Variants in DNAH2 observed in about 807,000 individuals in gnomAD.
DNAH2 encodes the protein axonemal beta dynein heavy chain 2.
A neutral mutation model predicts 523.5 loss-of-function variants in DNAH2; 323 were observed. The observed-to-expected ratio is 0.62, with a 90% CI of 0.56 to 0.68. DNAH2 has a LOEUF of 0.68. Ranked by LOEUF, DNAH2 falls within the 30% of genes least tolerant of loss-of-function variation. The pLI is 0.00. For synonymous variants in DNAH2, 2,093 were observed against 2,177.4 expected, an observed-to-expected ratio of 0.96 and a Z score of 1.08; for missense variants, 4,907 against 5,701.5, an observed-to-expected ratio of 0.86 and a Z score of 4.49.
intron 3 of DNAH2, among the ~76,000 whole-genome samples, chr17:7,724,621 AAC>A (rs777369013): frequency 2.6e-5 from 4 of 152,156 alleles, no homozygotes; most frequent in Non-Finnish European, 5.9e-5. Flanking sequence ...TCTGTCTCAA[AAC>A]AAACGAACAA....
At position 7,774,826 on chromosome 17, in the gene DNAH2, T is replaced by G. The variant is rs142034339; in HGVS notation, c.4569T>G (p.Tyr1523Ter). 19 of 1,614,076 alleles carry G rather than the reference T, an allele frequency of 1.2e-5. No individual in the cohort carries two copies. In the African/African-American group the frequency reaches 2.0e-4, roughly 17 times the overall value. Residue 1523 changes from tyrosine to a stop codon, truncating the protein, a stop_gained, in exon 29 of 86, where the codon TAT (tyrosine) becomes TAG (stop). Coordinates refer to ENST00000572933, the MANE Select transcript of DNAH2 (RefSeq NM_020877.5). LOFTEE classifies it high-confidence loss of function. ...ATATTCAGAAATCTCTGGATATGTATTTAGAGACCAAGCGACATATTTTCC... is the reference window on the plus strand; with the variant it reads ...ATATTCAGAAATCTCTGGATATGTAGTTAGAGACCAAGCGACATATTTTCC... Reference protein sequence around the residue: ...LEDIQKSLDMYLETKRHIFPR... With the variant: ...LEDIQKSLDM
intron 72 of DNAH2, 139 bp downstream of exon 72, chr17:7,819,547 C>T (rs1165581269): frequency 5.9e-6 from 5 of 842,590 alleles, no homozygotes; most frequent in Non-Finnish European, 9.5e-6. Flanking sequence ...GGTAGCTCCT[C>T]ACTCTCATGG....
chr17:7,752,094 G>A lies in DNAH2; in HGVS notation c.1905-4997G>A, dbSNP rs192867925. On this transcript the variant is annotated intron_variant, in intron 12 of 85. Transcript: ENST00000572933. ...GCTGAAACTACAGGTGTGAACCACC[G>A]GGCCTGGCCAACAGTGTTTTTTCTT... 3.9e-4 allele frequency among the ~76,000 whole-genome samples: 57 copies of A among 147,240 alleles called. 1 individual carries two copies. In the East Asian group the frequency reaches 0.01, roughly 26 times the overall value.
chr17:7,770,699 G>T (rs976488173), intron 26 of DNAH2, 54 bp from the exon 27 acceptor site: 3 of 1,613,730 alleles, frequency 1.9e-6, no homozygotes, highest in Admixed American at 1.7e-5. Context: ...TGCAGAGTGG[G>T]ACCAAGGTTG....
In DNAH2 at chr17:7,718,615, A is replaced by G. The variant is rs1433628980; in HGVS notation, c.-199A>G. The G allele has an allele frequency of 6.6e-6, 1 of 152,516 alleles. No homozygotes were observed. The highest frequency in any genetic ancestry group is 1.5e-5 in the Non-Finnish European group (1 of 68,050). The allele number at this position is 152,516 out of a possible 1,614,324, so 9.4% of individuals were successfully genotyped here. A position where few individuals can be genotyped will look rare whatever the true frequency, so the allele number is the denominator to read the frequency against. On this transcript the variant is annotated 5_prime_UTR_variant, in exon 1 of 86. Coordinates refer to ENST00000572933, the MANE Select transcript of DNAH2 (RefSeq NM_020877.5). ...CTTTTTCCTCATGACACAATTTGAAATTTATGATTGGATGACTTTTGTCCT... is the reference window on the plus strand; with the variant it reads ...CTTTTTCCTCATGACACAATTTGAAGTTTATGATTGGATGACTTTTGTCCT...
In DNAH2 at chr17:7,757,158, G is replaced by T; in HGVS notation, c.1972G>T (p.Val658Leu). The change falls in exon 13 of 86, where the codon GTG becomes TTG. Residue 658 changes from valine (V) to leucine (L), a missense_variant. Physicochemically the swap from Val to Leu is conservative, Grantham distance 32 (BLOSUM62 1). Transcript: ENST00000572933. ...ERLLFETPHY[V>L]VNVAERAEDL... ...GCTGCTGTTTGAGACGCCCCATTAC[G>T]TGGTGAACGTAGCTGAGCGAGCCGA... is the stretch of plus-strand genomic sequence containing the variant. The T allele has an allele frequency of 6.2e-7, 1 of 1,614,180 alleles. No individual in the cohort carries two copies. The highest frequency in any genetic ancestry group is 8.5e-7 in the Non-Finnish European group (1 of 1,180,026).
chr17:7,757,316 G>T, intron 13 of DNAH2, 79 bp downstream of exon 13: 15 of 1,489,102 alleles, frequency 1.0e-5, no homozygotes, highest in African/African-American at 2.8e-5. Context: ...CTGTAATGTT[G>T]TTCATTTTCT....
chr17:7,760,875 T>C lies in DNAH2; in HGVS notation c.2921T>C (p.Ile974Thr). Residue 974 changes from isoleucine (I) to threonine (T), a missense_variant, in exon 18 of 86, where the codon ATT becomes ACT. Ile to Thr is a moderately conservative substitution (Grantham distance 89). Around this residue, in one of 3 missense-constraint regions of DNAH2, gnomAD observed 2,806 missense variants for 3,190.8 expected, o/e 0.88. Coordinates refer to ENST00000572933, the MANE Select transcript of DNAH2 (RefSeq NM_020877.5). This position sits in a 1 kb window ranked among gnomAD's most constrained non-coding sequence, Gnocchi z 4.0. ...EIWEINKDSFIHRYQRLNPPV... is the reference protein window; with the variant it reads ...EIWEINKDSFTHRYQRLNPPV... ...TGGGAGATCAACAAGGACTCCTTCA[T>C]TCATCGCTACCAGCGCCTCAACCCT... 6.2e-7 allele frequency: 1 copy of C among 1,614,208 alleles called. No individual in the cohort carries two copies. Among genetic ancestry groups the C allele is most frequent in the Non-Finnish European group, 8.5e-7 (1 of 1,180,042 alleles).
At position 7,788,178 on chromosome 17, in the gene DNAH2, G is replaced by C. The variant is rs761970242; in HGVS notation, c.6834G>C (p.Leu2278=). 220 of 1,613,346 alleles carry C rather than the reference G, an allele frequency of 1.4e-4. No individual in the cohort carries two copies. Among genetic ancestry groups the C allele is most frequent in the Non-Finnish European group, 1.8e-4 (217 of 1,179,740 alleles). The change falls in exon 44 of 86, where the codon CTG becomes CTC. Residue 2278 remains leucine, a synonymous_variant. Transcript: ENST00000572933. ...KKDNCKELVP[L]PEYSGITSLC... is the part of the protein sequence containing the mutation. The stretch of plus-strand genomic sequence containing the variant: ...ACAACTGCAAGGAGCTGGTGCCCCT[G>C]CCCGAGTACAGCGGTATCACCTCCC...
chr17:7,818,531 A>G, intron 69 of DNAH2, 71 bp downstream of exon 69: 1 of 1,604,582 alleles, frequency 6.2e-7, no homozygotes, highest in African/African-American at 1.3e-5. Flanking sequence ...GAGAAAAGGG[A>G]TAAGCTTGTG....
At chr17:7,788,369 G>C in intron 44 of DNAH2, 125 bp downstream of exon 44, 1 of 1,225,806 alleles carries the variant, frequency 8.2e-7, no homozygotes, top group Non-Finnish European at 1.1e-6. Context: ...AGAGACTCCA[G>C]GGGGAGGCTT....
In DNAH2 at chr17:7,780,422, AG is replaced by A; in HGVS notation, c.5850+139del. ...ACTATTGTCAGTAGGATGTGTGGGG[AG>A]AAAAATTTAGGGGAGGGAGGTGTCT... On this transcript the variant is annotated intron_variant, in intron 37 of 85. Coordinates refer to ENST00000572933, the MANE Select transcript of DNAH2 (RefSeq NM_020877.5). This position sits in a 1 kb window ranked among gnomAD's most constrained non-coding sequence, Gnocchi z 4.4. The A allele has an allele frequency of 6.9e-7, 1 of 1,449,204 alleles. No homozygotes were observed. The highest frequency in any genetic ancestry group is 1.4e-5 in the African/African-American group (1 of 70,074). 89.8% of individuals were successfully genotyped at this position (1,449,204 alleles called of 1,614,324 possible). A position where few individuals can be genotyped will look rare whatever the true frequency, so the allele number is the denominator to read the frequency against.
At chr17:7,726,993 G>T in intron 3 of DNAH2, 129 bp from the exon 4 acceptor site, 2 of 990,542 alleles carry the variant, frequency 2.0e-6, no homozygotes, top group Non-Finnish European at 2.8e-6. Flanking sequence ...CTATCTTTCA[G>T]TTTCTCCTAA....
chr17:7,741,232 C>CTTTCTT (rs1555540599), intron 11 of DNAH2, among the ~76,000 whole-genome samples: 8 of 119,434 alleles, frequency 6.7e-5, no homozygotes, highest in African/African-American at 9.1e-5. Flanking sequence ...TTTTTTTTCT[C>CTTTCTT]TCTCTCTTTC....
chr17:7,735,451 C>CT (rs946516349), intron 7 of DNAH2, among the ~76,000 whole-genome samples: 8 of 150,754 alleles, frequency 5.3e-5, no homozygotes, highest in South Asian at 2.1e-4. Context: ...CTTTTCATTT[C>CT]TTTTTTTTTC....
rs745337183 is a variant in DNAH2, at chr17:7,767,631, C to G, written c.3676-269C>G. ...TACCTTTTTTTTTTTTTTTTTGGTT[C>G]TAGCCATCCTAGCGGGTGTGAAGTG... On this transcript the variant is annotated intron_variant, in intron 22 of 85. Transcript: ENST00000572933. Among the ~76,000 whole-genome samples the G allele has an allele frequency of 1.5e-3, 184 of 125,612 alleles. 1 individual carries two copies. The highest frequency in any genetic ancestry group is 2.8e-4 in the Non-Finnish European group (17 of 60,476). The allele number at this position is 125,612 out of a possible 152,430, so 82.4% of individuals were successfully genotyped here.
chr17:7,791,995 G>C lies in DNAH2; in HGVS notation c.6979G>C (p.Ala2327Pro). 4 of 1,614,110 alleles carry C rather than the reference G, an allele frequency of 2.5e-6. No homozygotes were observed. Among genetic ancestry groups the C allele is most frequent in the Non-Finnish European group, 3.4e-6 (4 of 1,180,026 alleles). The change falls in exon 45 of 86, where the codon GCC (alanine) becomes CCC (proline). Residue 2327 changes from alanine to proline, a missense_variant. Around this residue, in one of 3 missense-constraint regions of DNAH2, gnomAD observed 2,806 missense variants for 3,190.8 expected, o/e 0.88. Transcript: ENST00000572933. ...GTTCAGCATGATCTGGTCTGTGTGTGCCTCTGTGGATGAGGAGGGCCGGAA... is the reference window on the plus strand; with the variant it reads ...GTTCAGCATGATCTGGTCTGTGTGTCCCTCTGTGGATGAGGAGGGCCGGAA... ...FVFSMIWSVCASVDEEGRKRI... is the reference protein window; with the variant it reads ...FVFSMIWSVCPSVDEEGRKRI...
chr17:7,749,331 A>ATC (rs1567636946), intron 12 of DNAH2, among the ~76,000 whole-genome samples: 27 of 144,868 alleles, frequency 1.9e-4, no homozygotes, highest in African/African-American at 5.8e-4. Context: ...AAAAAAAAAA[A>ATC]AAAAAAAAAA....
chr17:7,723,547 C>T, intron 2 of DNAH2, 81 bp from the exon 3 acceptor site: 3 of 1,170,940 alleles, frequency 2.6e-6, no homozygotes, highest in South Asian at 1.2e-5. Flanking sequence ...GCTAGGACTA[C>T]AGGTGTGAGC....
Sources: allele counts gnomAD v4.1 joint callset (sites outside exome capture counted in the v4.1 genomes callset), GRCh38; gene constraint gnomAD v4.1.1; regional missense constraint gnomAD v4.1.1; non-coding constraint Gnocchi (gnomAD v3.1); transcripts MANE v1.5; gene names NCBI Gene and HGNC (gene_info 2026-07-23, HGNC 2026-07-21).